The following CARMIL1 variants were observed in gnomAD, a reference collection of about 807,000 sequenced individuals.
CARMIL1 encodes capping protein regulator and myosin 1 linker 1, also known as F-actin-uncapping protein LRRC16A.
Under a neutral mutation model 177.1 loss-of-function variants are expected in CARMIL1, and 90 were observed. The observed-to-expected ratio is 0.51, with a 90% CI of 0.43 to 0.61. CARMIL1 has a LOEUF of 0.61. Ranked by LOEUF, CARMIL1 falls within the 20% of genes least tolerant of loss-of-function variation. The pLI is 0.00. For synonymous variants in CARMIL1, 577 were observed against 606.2 expected, an observed-to-expected ratio of 0.95 and a Z score of 0.71; for missense variants, 1,380 against 1,667.0, an observed-to-expected ratio of 0.83 and a Z score of 3.00.
rs201519353 is a variant in CARMIL1, at chr6:25,581,221, G to GT, written c.2810-15dup. The GT allele has an allele frequency of 7.5e-4, 1,193 of 1,597,590 alleles. 31 individuals are homozygous for GT. The East Asian group carries it at 0.024, about 31-fold the overall frequency. Reference sequence around the variant, plus strand: ...AGCTTTGGCCTTGGGCTGTTTTTTTGTTTTTTTGTTTTTAATTTTAGAAAT... The same window carrying GT: ...AGCTTTGGCCTTGGGCTGTTTTTTTGTTTTTTTTGTTTTTAATTTTAGAAAT... On this transcript the variant is annotated intron_variant, in intron 30 of 36. Coordinates refer to ENST00000329474, the MANE Select transcript of CARMIL1 (RefSeq NM_017640.6).
At chr6:25,589,676 CA>C (rs1814117685) in intron 31 of CARMIL1, among the ~76,000 whole-genome samples, 1 of 152,074 alleles carries the variant, frequency 6.6e-6, no homozygotes, top group South Asian at 2.1e-4. Context: ...TTTGTAGAGA[CA>C]GGGCTTTGCC....
At chr6:25,459,707 G>A (rs928263279) in intron 8 of CARMIL1, among the ~76,000 whole-genome samples, 3 of 152,168 alleles carry the variant, frequency 2.0e-5, no homozygotes, top group South Asian at 2.1e-4. Flanking sequence ...ATTGTGCCAC[G>A]TGGCTCTAAA....
chr6:25,515,381 T>A lies in CARMIL1; in HGVS notation c.1633-294T>A, dbSNP rs1805881811. On this transcript the variant is annotated intron_variant, in intron 20 of 36. Transcript: ENST00000329474. The surrounding 1 kb of genome is among the most constrained non-coding windows in gnomAD (Gnocchi z 5.0). ...TTTTGTTATGTTTTTATTTATTTCA[T>A]CCTATCCTCTGCTTCACGCTGGCAG... 6.6e-6 allele frequency among the ~76,000 whole-genome samples: 1 copy of A among 152,144 alleles called. No homozygotes were observed.
intron 6 of CARMIL1, 52 bp downstream of exon 6, chr6:25,450,047 T>C: frequency 7.0e-7 from 1 of 1,431,748 alleles, no homozygotes; most frequent in Non-Finnish European, 9.6e-7. Context: ...GATATCCCCC[T>C]GCCAGGAAGT....
At chr6:25,586,403 C>T (rs1401949077) in intron 31 of CARMIL1, among the ~76,000 whole-genome samples, 2 of 147,940 alleles carry the variant, frequency 1.4e-5, no homozygotes, top group Non-Finnish European at 3.0e-5. Context: ...AATGGGCGGC[C>T]AGGCAGAGAC....
intron 2 of CARMIL1, among the ~76,000 whole-genome samples, chr6:25,323,299 A>G (rs911890536): frequency 8.6e-5 from 13 of 151,814 alleles, no homozygotes; most frequent in African/African-American, 2.7e-4. Context: ...AATGTGAACT[A>G]AAGGCCTGGC....
intron 35 of CARMIL1, among the ~76,000 whole-genome samples, chr6:25,606,646 A>G (rs1300660863): frequency 6.6e-6 from 1 of 152,192 alleles, no homozygotes; most frequent in Non-Finnish European, 1.5e-5. Flanking sequence ...GCAGCAGTTT[A>G]AGGAGGAAGG....
In CARMIL1 at chr6:25,558,753, GC is replaced by G. The variant is rs1810856602; in HGVS notation, c.2742+1905del. 6.6e-6 allele frequency among the ~76,000 whole-genome samples: 1 copy of G among 152,134 alleles called. No individual in the cohort carries two copies. Among genetic ancestry groups the G allele is most frequent in the African/African-American group, 2.4e-5 (1 of 41,416 alleles). The stretch of plus-strand genomic sequence containing the variant: ...AGGGCCAAGGAGGTAAGCAGGGAGG[GC>G]CATTCCTGAGATGAGCCTGTGTTGA... On this transcript the variant is annotated intron_variant, in intron 29 of 36. Transcript: ENST00000329474. This position sits in a 1 kb window ranked among gnomAD's most constrained non-coding sequence, Gnocchi z 4.1.
chr6:25,450,980 T>TCCCCTCTCCCCTCTC (rs1798834950), intron 8 of CARMIL1, among the ~76,000 whole-genome samples: 1 of 2,858 alleles, frequency 3.5e-4, no homozygotes, highest in Non-Finnish European at 5.7e-4. Context: ...TCTTCTCCTC[T>TCCCCTCTCCCCTCTC]CCCCCTCCCC....
chr6:25,339,582 A>T (rs10946762), intron 2 of CARMIL1, among the ~76,000 whole-genome samples: 11,378 of 152,260 alleles, frequency 0.075, 568 homozygotes, highest in South Asian at 0.17. Context: ...AGTATCTCCC[A>T]GCAGTGTGGC....
chr6:25,567,309 T>C (rs1199393589), intron 29 of CARMIL1, among the ~76,000 whole-genome samples: 1 of 152,180 alleles, frequency 6.6e-6, no homozygotes, highest in Non-Finnish European at 1.5e-5. Flanking sequence ...GGGCCAATTA[T>C]TTCTTTATAG....
In CARMIL1 at chr6:25,610,191, G is replaced by A. The variant is rs751525817; in HGVS notation, c.3979+10G>A. On this transcript the variant is annotated intron_variant, in intron 36 of 36. Coordinates refer to ENST00000329474, the MANE Select transcript of CARMIL1 (RefSeq NM_017640.6). The stretch of plus-strand genomic sequence containing the variant: ...ACATTTTCACAGGAAGGTAAGGATT[G>A]TAAGGATTTCTTTTCTCTGGGTTAG... 4 of 1,608,786 alleles carry A rather than the reference G, an allele frequency of 2.5e-6. No individual in the cohort carries two copies. The Admixed American group carries it at 6.8e-5, about 27-fold the overall frequency.
At chr6:25,573,588 A>T (rs1192973865) in intron 29 of CARMIL1, among the ~76,000 whole-genome samples, 2 of 112,174 alleles carry the variant, frequency 1.8e-5, no homozygotes, top group African/African-American at 6.7e-5. Context: ...TTTACCTCTA[A>T]GCAAAAAAAA....
intron 9 of CARMIL1, among the ~76,000 whole-genome samples, chr6:25,470,368 C>T (rs1800991563): frequency 6.6e-6 from 1 of 152,210 alleles, no homozygotes; most frequent in Admixed American, 6.5e-5. Flanking sequence ...GTGCCTGGCA[C>T]ATGGTGAGAA....
intron 35 of CARMIL1, among the ~76,000 whole-genome samples, chr6:25,609,700 T>C (rs1474656448): frequency 6.6e-6 from 1 of 152,214 alleles, no homozygotes; most frequent in Non-Finnish European, 1.5e-5. Context: ...CAGTGTCTTA[T>C]AAATATTACA....
Position 25,610,125 on chromosome 6 carries a change from AAG to A in CARMIL1, c.3931_3932del (p.Asp1311TrpfsTer4), listed in dbSNP as rs1816383250. On this transcript the variant is annotated frameshift_variant, in exon 36 of 37. Coordinates refer to ENST00000329474, the MANE Select transcript of CARMIL1 (RefSeq NM_017640.6). LOFTEE classifies it high-confidence loss of function. ...GTCCTGAAAAAAGTTCCTTCAGACAAAGAGAGAGATGGCCAGAGTAGCCCCCA... is the reference window on the plus strand; with the variant it reads ...GTCCTGAAAAAAGTTCCTTCAGACAAAGAGAGATGGCCAGAGTAGCCCCCA... 1 of 1,613,932 alleles carries A rather than the reference AAG, an allele frequency of 6.2e-7. No homozygotes were observed. The highest frequency in any genetic ancestry group is 8.5e-7 in the Non-Finnish European group (1 of 1,179,870).
intron 11 of CARMIL1, among the ~76,000 whole-genome samples, chr6:25,481,573 G>A (rs937271385): frequency 2.0e-5 from 3 of 152,174 alleles, no homozygotes; most frequent in African/African-American, 7.2e-5. Context: ...AAGGGCATAC[G>A]TTTGTGTATT....
chr6:25,484,688 A>G (rs1417648875), intron 12 of CARMIL1, among the ~76,000 whole-genome samples: 1 of 152,216 alleles, frequency 6.6e-6, no homozygotes, highest in Non-Finnish European at 1.5e-5. Flanking sequence ...AACCCCCTCC[A>G]AACTCCCTTG....
intron 29 of CARMIL1, among the ~76,000 whole-genome samples, chr6:25,559,171 C>T (rs910220844): frequency 1.3e-5 from 2 of 152,142 alleles, no homozygotes; most frequent in African/African-American, 4.8e-5. Context: ...AATCGATTTT[C>T]TGAGCTGGTA....
Sources: gnomAD v4.1 joint callset for allele counts (sites outside exome capture counted in the v4.1 genomes callset) on GRCh38, gnomAD v4.1.1 for gene constraint, Gnocchi (gnomAD v3.1) non-coding constraint, MANE v1.5 for transcripts, NCBI Gene and HGNC (gene_info 2026-07-23, HGNC 2026-07-21) for gene names.